Variants in ZNF131 observed in about 807,000 individuals in gnomAD.
ZNF131 encodes the protein zinc finger and BTB domain containing 35.
ZNF131 carries 7 observed loss-of-function variants against 60.0 expected under a neutral mutation model. The observed-to-expected ratio is 0.12, with a 90% CI of 0.07 to 0.22. The LOEUF (loss-of-function observed/expected upper bound fraction) is 0.22, where lower values mean the gene tolerates loss of function less well. ZNF131 is among the 10% of genes least tolerant of loss of function. The pLI is 1.00. For missense variants in ZNF131, 493 were observed against 740.9 expected (o/e 0.67, Z 3.88); for synonymous variants, 257 against 253.2 (o/e 1.01, Z -0.14).
At chr5:43,160,798 C>T (rs1305516930) in intron 4 of ZNF131, among the ~76,000 whole-genome samples, 1 of 151,050 alleles carries the variant, frequency 6.6e-6, no homozygotes, top group Non-Finnish European at 1.5e-5. Flanking sequence ...ATTCTCCTGC[C>T]TCAGCCTGCC....
intron 3 of ZNF131, among the ~76,000 whole-genome samples, chr5:43,135,520 G>C (rs10454866): frequency 0.021 from 3,188 of 151,526 alleles, 68 homozygotes; most frequent in Non-Finnish European, 0.028. Flanking sequence ...AGGCGGAGGC[G>C]GGTGGATTGC....
At position 43,175,380 on chromosome 5, in the gene ZNF131, A is replaced by G; in HGVS notation, c.*247A>G. On this transcript the variant is annotated 3_prime_UTR_variant, in exon 7 of 7. Transcript: ENST00000682664. Reference sequence around the variant, plus strand: ...ATATTTCTGGAAACTTAAATGGATTATATTCTTATTATATAGTTGGGTACG... The same window carrying G: ...ATATTTCTGGAAACTTAAATGGATTGTATTCTTATTATATAGTTGGGTACG... 1 of 684,044 alleles carries G rather than the reference A, an allele frequency of 1.5e-6. No homozygotes were observed. Among genetic ancestry groups the G allele is most frequent in the Non-Finnish European group, 2.6e-6 (1 of 382,120 alleles). The allele number at this position is 684,044 out of a possible 1,614,324, so 42.4% of individuals were successfully genotyped here.
At chr5:43,170,416 A>G (rs1175466285) in intron 5 of ZNF131, among the ~76,000 whole-genome samples, 2 of 152,186 alleles carry the variant, frequency 1.3e-5, no homozygotes, top group Non-Finnish European at 2.9e-5. Flanking sequence ...CCATCCTGGA[A>G]TCATTCAGTT....
intron 3 of ZNF131, among the ~76,000 whole-genome samples, chr5:43,132,355 A>G (rs1745463003): frequency 6.6e-6 from 1 of 152,034 alleles, no homozygotes; most frequent in Admixed American, 6.6e-5. Context: ...GTCTTTTTAT[A>G]TTTTATGGTG....
intron 6 of ZNF131, among the ~76,000 whole-genome samples, chr5:43,173,710 G>C (rs1168681704): frequency 6.6e-6 from 1 of 151,864 alleles, no homozygotes; most frequent in African/African-American, 2.4e-5. Flanking sequence ...AAAATTTGGG[G>C]TGGGGATTGG....
intron 5 of ZNF131, among the ~76,000 whole-genome samples, chr5:43,164,059 CTAAT>C (rs1382318805): frequency 1.3e-5 from 2 of 152,158 alleles, no homozygotes; most frequent in South Asian, 2.1e-4. Flanking sequence ...GTTTGGATAA[CTAAT>C]AGGCGTTTAT....
chr5:43,145,258 G>A (rs939598182), intron 4 of ZNF131, among the ~76,000 whole-genome samples: 1 of 152,096 alleles, frequency 6.6e-6, no homozygotes, highest in Non-Finnish European at 1.5e-5. Flanking sequence ...AAGCCTGGTA[G>A]GAGCACTTTT....
In ZNF131 at chr5:43,175,208, A is replaced by T; in HGVS notation, c.*75A>T. On this transcript the variant is annotated 3_prime_UTR_variant, in exon 7 of 7. Transcript: ENST00000682664. ...ATTATGGGCAGTTTGACTGTCCTTA[A>T]TTAAGCCTAACAGACAAGTGGACCA... 1.4e-6 allele frequency: 2 copies of T among 1,422,524 alleles called. No individual in the cohort carries two copies. The highest frequency in any genetic ancestry group is 1.9e-6 in the Non-Finnish European group (2 of 1,065,366). 88.1% of individuals were successfully genotyped at this position (1,422,524 alleles called of 1,614,324 possible). A position where few individuals can be genotyped will look rare whatever the true frequency, so the allele number is the denominator to read the frequency against.
At chr5:43,126,362 T>C (rs1336351637) in intron 3 of ZNF131, among the ~76,000 whole-genome samples, 1 of 152,212 alleles carries the variant, frequency 6.6e-6, no homozygotes, top group Non-Finnish European at 1.5e-5. Context: ...GAACTTACTT[T>C]TCAAAACCTT....
chr5:43,134,377 A>G (rs1294658861), intron 3 of ZNF131, among the ~76,000 whole-genome samples: 1 of 152,236 alleles, frequency 6.6e-6, no homozygotes, highest in Non-Finnish European at 1.5e-5. Flanking sequence ...AATTATCTCA[A>G]CATAATAAAG....
intron 3 of ZNF131, among the ~76,000 whole-genome samples, chr5:43,138,313 A>G (rs921227682): frequency 3.3e-5 from 5 of 152,214 alleles, no homozygotes; most frequent in Non-Finnish European, 7.3e-5. Flanking sequence ...TAGGATGAGT[A>G]TAACCAGAGA....
At chr5:43,170,343 G>A (rs753507138) in intron 5 of ZNF131, among the ~76,000 whole-genome samples, 3 of 152,158 alleles carry the variant, frequency 2.0e-5, no homozygotes, top group South Asian at 4.1e-4. Context: ...TTACTTGACT[G>A]TGTCATTCTA....
intron 3 of ZNF131, among the ~76,000 whole-genome samples, chr5:43,137,325 C>G (rs576384772): frequency 6.6e-6 from 1 of 151,828 alleles, no homozygotes; most frequent in African/African-American, 2.4e-5. Context: ...GAATGAATCC[C>G]AAAAATATAT....
intron 5 of ZNF131, among the ~76,000 whole-genome samples, chr5:43,171,818 C>T (rs756446270): frequency 6.6e-6 from 1 of 152,122 alleles, no homozygotes; most frequent in Non-Finnish European, 1.5e-5. Context: ...CGGAGATTCG[C>T]AGTGTTGGCC....
At position 43,175,171 on chromosome 5, in the gene ZNF131, G is replaced by A; in HGVS notation, c.*38G>A. On this transcript the variant is annotated 3_prime_UTR_variant, in exon 7 of 7. Transcript: ENST00000682664. ...ATATATTTTTAAATTTACTTGTTGG[G>A]TTTTTGAACTGATTATGGGCAGTTT... 6 of 1,538,980 alleles carry A rather than the reference G, an allele frequency of 3.9e-6. No individual in the cohort carries two copies. Among genetic ancestry groups the A allele is most frequent in the Middle Eastern group, 2.3e-4 (1 of 4,322 alleles).
chr5:43,174,833 T>C lies in ZNF131; in HGVS notation c.1572T>C (p.Tyr524=), dbSNP rs756306804. 12 of 1,614,046 alleles carry C rather than the reference T, an allele frequency of 7.4e-6. No homozygotes were observed. Among genetic ancestry groups the C allele is most frequent in the African/African-American group, 1.3e-5 (1 of 74,908 alleles). Residue 524 remains tyrosine, a synonymous_variant, in exon 7 of 7, where the codon TAT becomes TAC. Transcript: ENST00000682664. Reference sequence around the variant, plus strand: ...TTCCAGAGCAGGTCCAAGTGAGTTATCTAGAAGTGGGCCGAATTCAGACTG... The same window carrying C: ...TTCCAGAGCAGGTCCAAGTGAGTTACCTAGAAGTGGGCCGAATTCAGACTG... ...SELPEQVQVS[Y]LEVGRIQTEE...
rs1751564821 is a variant in ZNF131, at chr5:43,176,308, A to G, written c.*1175A>G. The G allele has an allele frequency of 6.6e-6, 1 of 152,282 alleles. No individual in the cohort carries two copies. The highest frequency in any genetic ancestry group is 2.1e-4 in the South Asian group (1 of 4,830). The allele number at this position is 152,282 out of a possible 1,614,324, so 9.4% of individuals were successfully genotyped here. A position where few individuals can be genotyped will look rare whatever the true frequency, so the allele number is the denominator to read the frequency against. ...GGGAGTTCTTTACATTTTTTAAGTA[A>G]ACTTTAAAATTATGTGTTCATGACT... is the stretch of plus-strand genomic sequence containing the variant. On this transcript the variant is annotated 3_prime_UTR_variant, in exon 7 of 7. Coordinates refer to ENST00000682664, the MANE Select transcript of ZNF131 (RefSeq NM_001330707.2).
chr5:43,146,715 G>C (rs751433340), intron 4 of ZNF131, among the ~76,000 whole-genome samples: 2 of 152,100 alleles, frequency 1.3e-5, no homozygotes, highest in Non-Finnish European at 1.5e-5. Flanking sequence ...AGACCAGCCT[G>C]ACCAATATGG....
intron 3 of ZNF131, among the ~76,000 whole-genome samples, chr5:43,131,091 C>G (rs1217680880): frequency 5.3e-5 from 8 of 152,136 alleles, no homozygotes; most frequent in African/African-American, 1.9e-4. Flanking sequence ...TCTTGAACTC[C>G]TGACCTCAGG....
Sources: gnomAD v4.1 joint callset for allele counts (sites outside exome capture counted in the v4.1 genomes callset) on GRCh38, gnomAD v4.1.1 for gene constraint, MANE v1.5 for transcripts, NCBI Gene and HGNC (gene_info 2026-07-23, HGNC 2026-07-21) for gene names.